Variants in COL21A1 observed in about 807,000 individuals in gnomAD.
The protein encoded by COL21A1 is collagen alpha-1(XXI) chain.
In COL21A1, 149 loss-of-function variants were observed where a neutral mutation model predicts 137.9. That is an observed-to-expected ratio of 1.08 (90% CI 0.95 to 1.24). The LOEUF (loss-of-function observed/expected upper bound fraction) is 1.24. Ranked by LOEUF, COL21A1 falls within the 50% of genes most tolerant of loss-of-function variation. The pLI is 0.00. For missense variants in COL21A1, 1,167 were observed against 1,158.4 expected (o/e 1.01, Z -0.11); for synonymous variants, 456 against 391.5 (o/e 1.16, Z -1.95).
intron 3 of COL21A1, among the ~76,000 whole-genome samples, chr6:56,173,426 G>C (rs1026900887): frequency 2.0e-5 from 3 of 151,200 alleles, no homozygotes; most frequent in Non-Finnish European, 4.4e-5. Flanking sequence ...GGGAAGGGAA[G>C]GGGGGAAAAG....
chr6:56,148,650 G>C (rs772413546), intron 10 of COL21A1, among the ~76,000 whole-genome samples: 4 of 151,984 alleles, frequency 2.6e-5, no homozygotes, highest in Non-Finnish European at 4.4e-5. Context: ...TAAGGGTCTG[G>C]AAAAAGGAAA....
chr6:56,175,636 A>C (rs942981597), intron 3 of COL21A1, among the ~76,000 whole-genome samples: 3 of 152,134 alleles, frequency 2.0e-5, no homozygotes, highest in African/African-American at 7.2e-5. Flanking sequence ...AAACTGAAGA[A>C]GGAATAAATG....
chr6:56,263,238 G>A (rs188247776), intron 1 of COL21A1, among the ~76,000 whole-genome samples: 20 of 152,222 alleles, frequency 1.3e-4, no homozygotes, highest in Non-Finnish European at 2.6e-4. Context: ...TTAAATCAGT[G>A]GTATTTCATA....
intron 16 of COL21A1, among the ~76,000 whole-genome samples, chr6:56,117,512 G>C (rs1381262230): frequency 6.6e-6 from 1 of 151,982 alleles, no homozygotes; most frequent in African/African-American, 2.4e-5. Flanking sequence ...TCCATTTTCA[G>C]CATTGGACAG....
chr6:56,164,547 G>A, intron 8 of COL21A1, 41 bp from the exon 9 acceptor site: 1 of 1,378,010 alleles, frequency 7.3e-7, no homozygotes, highest in African/African-American at 1.4e-5. Flanking sequence ...AGCATGGAAA[G>A]ACATATAAGT....
At chr6:56,298,784 G>A (rs1388564470) in intron 1 of COL21A1, among the ~76,000 whole-genome samples, 3 of 152,072 alleles carry the variant, frequency 2.0e-5, no homozygotes, top group Non-Finnish European at 2.9e-5. Flanking sequence ...GAGACCAGAC[G>A]CAGAGTTCCA....
At chr6:56,344,454 C>G (rs181252381) in intron 1 of COL21A1, among the ~76,000 whole-genome samples, 1 of 152,228 alleles carries the variant, frequency 6.6e-6, no homozygotes, top group East Asian at 1.9e-4. Flanking sequence ...ATTAAAGTAG[C>G]ATTTGTCTAA....
At chr6:56,182,120 C>G (rs1430473420) in intron 2 of COL21A1, among the ~76,000 whole-genome samples, 1 of 152,094 alleles carries the variant, frequency 6.6e-6, no homozygotes, top group African/African-American at 2.4e-5. Context: ...AGCTCTTTAT[C>G]TCTATAGGCA....
At chr6:56,297,645 T>C (rs1764192848) in intron 1 of COL21A1, among the ~76,000 whole-genome samples, 1 of 152,172 alleles carries the variant, frequency 6.6e-6, no homozygotes, top group African/African-American at 2.4e-5. Flanking sequence ...CTTGGTTTTT[T>C]ATTGATGGCA....
intron 1 of COL21A1, among the ~76,000 whole-genome samples, chr6:56,233,743 C>CAA (rs35925060): frequency 2.3e-3 from 333 of 146,072 alleles, no homozygotes; most frequent in African/African-American, 7.1e-3. Context: ...CTTGAATAGG[C>CAA]AAAAAAAAAA....
chr6:56,190,477 C>T (rs1561966411), intron 1 of COL21A1, among the ~76,000 whole-genome samples: 1 of 152,128 alleles, frequency 6.6e-6, no homozygotes, highest in East Asian at 1.9e-4. Flanking sequence ...AAGTCCAGGA[C>T]CAGATGGATT....
At chr6:56,114,115 C>T (rs1185620428) in intron 16 of COL21A1, among the ~76,000 whole-genome samples, 1 of 152,180 alleles carries the variant, frequency 6.6e-6, no homozygotes, top group African/African-American at 2.4e-5. Context: ...AACTTCTGGA[C>T]CCATTTGGGG....
intron 1 of COL21A1, among the ~76,000 whole-genome samples, chr6:56,360,145 T>G (rs1259706257): frequency 6.6e-6 from 1 of 152,188 alleles, no homozygotes; most frequent in African/African-American, 2.4e-5. Flanking sequence ...AGCAGAAGGC[T>G]TAGACTACTA....
intron 9 of COL21A1, among the ~76,000 whole-genome samples, chr6:56,163,570 G>A (rs1416150095): frequency 1.3e-5 from 2 of 152,048 alleles, no homozygotes; most frequent in South Asian, 2.1e-4. Context: ...TTAGCCGGGC[G>A]CAGTGGTGAT....
At chr6:56,320,700 T>C (rs977141721) in intron 1 of COL21A1, among the ~76,000 whole-genome samples, 1 of 152,178 alleles carries the variant, frequency 6.6e-6, no homozygotes, top group East Asian at 1.9e-4. Context: ...TTGATATTCA[T>C]GTGGCTTGTA....
chr6:56,096,887 GA>G (rs1385191942), intron 17 of COL21A1, among the ~76,000 whole-genome samples: 1 of 152,088 alleles, frequency 6.6e-6, no homozygotes, highest in African/African-American at 2.4e-5. Context: ...CACAATGGAA[GA>G]ATGTTTATTT....
intron 12 of COL21A1, among the ~76,000 whole-genome samples, chr6:56,129,195 T>C (rs1386462775): frequency 6.6e-6 from 1 of 152,240 alleles, no homozygotes; most frequent in South Asian, 2.1e-4. Flanking sequence ...GATATTATCA[T>C]TTCCGGAACC....
At chr6:56,324,750 C>T (rs1328807641) in intron 1 of COL21A1, among the ~76,000 whole-genome samples, 21 of 151,936 alleles carry the variant, frequency 1.4e-4, no homozygotes, top group African/African-American at 5.1e-4. Context: ...AACATACTAC[C>T]CAAATCATTG....
chr6:56,229,199 A>G (rs1398934980), intron 1 of COL21A1, among the ~76,000 whole-genome samples: 1 of 151,866 alleles, frequency 6.6e-6, no homozygotes, highest in African/African-American at 2.4e-5. Flanking sequence ...TGGGCAATAC[A>G]GAGAAACCCT....
Sources: gnomAD v4.1 joint callset for allele counts (sites outside exome capture counted in the v4.1 genomes callset) on GRCh38, gnomAD v4.1.1 for gene constraint, MANE v1.5 for transcripts, NCBI Gene and HGNC (gene_info 2026-07-23, HGNC 2026-07-21) for gene names.